Variants in EHMT1 observed in about 807,000 individuals in gnomAD.
EHMT1 encodes euchromatic histone lysine methyltransferase 1, also known as histone-lysine N-methyltransferase EHMT1.
A neutral mutation model predicts 147.2 loss-of-function variants in EHMT1; 15 were observed. The ratio of observed to expected loss-of-function variants is 0.10; its 90% CI spans 0.07 to 0.16. The LOEUF (loss-of-function observed/expected upper bound fraction) is 0.16. Ranked by LOEUF, EHMT1 falls within the 10% of genes least tolerant of loss-of-function variation. EHMT1 has a pLI of 1.00. For missense variants in EHMT1, 1,587 were observed against 1,772.4 expected (o/e 0.90, Z 1.88); for synonymous variants, 795 against 709.6 (o/e 1.12, Z -1.91).
rs1040638481 is a variant in EHMT1, at chr9:137,731,217, AGT to A, written c.823+2693_823+2694del. On this transcript the variant is annotated intron_variant, in intron 4 of 26. Transcript: ENST00000460843. This position sits in a 1 kb window ranked among gnomAD's most constrained non-coding sequence, Gnocchi z 4.3. ...GTCCATCAGCGTGTTAGCCTAGGAC[AGT>A]GTGTAAAATGGCCTTGAGCACTGGA... 6.6e-6 allele frequency among the ~76,000 whole-genome samples: 1 copy of A among 152,214 alleles called. No individual in the cohort carries two copies. Among genetic ancestry groups the A allele is most frequent in the African/African-American group, 2.4e-5 (1 of 41,460 alleles).
chr9:137,695,480 G>GAA (rs1464485057), intron 1 of EHMT1, among the ~76,000 whole-genome samples: 9 of 152,256 alleles, frequency 5.9e-5, no homozygotes, highest in Non-Finnish European at 1.5e-5. Flanking sequence ...CTCGGTGGCT[G>GAA]AAACAACAAT....
rs749284199 is a variant in EHMT1, at chr9:137,717,216, T to C, written c.642+34T>C. 5 of 1,607,286 alleles carry C rather than the reference T, an allele frequency of 3.1e-6. No individual in the cohort carries two copies. In the African/African-American group the frequency reaches 4.0e-5, roughly 13 times the overall value. Reference sequence around the variant, plus strand: ...GTGTCTTCTCTTGCTGTTTCCTTTTTCCCATCTCTTTTGTTTTAATAACGG... The same window carrying C: ...GTGTCTTCTCTTGCTGTTTCCTTTTCCCCATCTCTTTTGTTTTAATAACGG... On this transcript the variant is annotated intron_variant, in intron 3 of 26. Coordinates refer to ENST00000460843, the MANE Select transcript of EHMT1 (RefSeq NM_024757.5).
intron 1 of EHMT1, among the ~76,000 whole-genome samples, chr9:137,690,333 G>A (rs1942827703): frequency 6.6e-6 from 1 of 151,910 alleles, no homozygotes; most frequent in South Asian, 2.1e-4. Flanking sequence ...TCAACTTTAT[G>A]AGCTGTTGCA....
intron 18 of EHMT1, among the ~76,000 whole-genome samples, chr9:137,804,148 A>G (rs879422571): frequency 6.6e-6 from 1 of 152,194 alleles, no homozygotes; most frequent in Non-Finnish European, 1.5e-5. Flanking sequence ...ACAGCATGGG[A>G]GACCCACCCC....
chr9:137,628,108 C>G (rs530432112), intron 1 of EHMT1, among the ~76,000 whole-genome samples: 1 of 152,320 alleles, frequency 6.6e-6, no homozygotes, highest in East Asian at 1.9e-4. Flanking sequence ...GTCAGCTGTT[C>G]TCAGGTGGAG....
At chr9:137,650,666 CT>C (rs75230304) in intron 1 of EHMT1, among the ~76,000 whole-genome samples, 2,846 of 121,548 alleles carry the variant, frequency 0.023, 19 homozygotes, top group African/African-American at 0.044. Context: ...GGACCCCCCG[CT>C]TTTTTTTTTT....
intron 1 of EHMT1, among the ~76,000 whole-genome samples, chr9:137,682,499 G>C (rs1379113383): frequency 6.6e-6 from 1 of 152,112 alleles, no homozygotes; most frequent in East Asian, 1.9e-4. Context: ...CTGCTGTAGC[G>C]AGCGTCTCCC....
At position 137,787,561 on chromosome 9, in the gene EHMT1, GGT is replaced by G; in HGVS notation, c.2383-3284_2383-3283del. The G allele has an allele frequency of 2.2e-6, 1 of 444,744 alleles. No homozygotes were observed. The highest frequency in any genetic ancestry group is 2.4e-5 in the South Asian group (1 of 40,958). The allele number at this position is 444,744 out of a possible 1,614,324, so 27.5% of individuals were successfully genotyped here. A position where few individuals can be genotyped will look rare whatever the true frequency, so the allele number is the denominator to read the frequency against. On this transcript the variant is annotated intron_variant, in intron 15 of 26. Coordinates refer to ENST00000460843, the MANE Select transcript of EHMT1 (RefSeq NM_024757.5). This position sits in a 1 kb window ranked among gnomAD's most constrained non-coding sequence, Gnocchi z 4.2. ...TGGACTCCCAGCAAGGCTGCTGCCTGGTGTTTCGAGGCTGCTGTGGTCGCAGA... is the reference window on the plus strand; with the variant it reads ...TGGACTCCCAGCAAGGCTGCTGCCTGGTTTCGAGGCTGCTGTGGTCGCAGA...
intron 1 of EHMT1, among the ~76,000 whole-genome samples, chr9:137,669,470 G>GC (rs11289789): frequency 0.024 from 616 of 25,388 alleles, 4 homozygotes; most frequent in Admixed American, 0.047. Context: ...CACCCAAGAC[G>GC]CCCCCCACAG....
Position 137,813,633 on chromosome 9 carries a change from C to T in EHMT1, c.3180+103C>T. ...GTTCTCACCACTCAGAGCAGGAGGGCTTATGGGGGGCTTCCCAGGAAGACC... is the reference window on the plus strand; with the variant it reads ...GTTCTCACCACTCAGAGCAGGAGGGTTTATGGGGGGCTTCCCAGGAAGACC... On this transcript the variant is annotated intron_variant, in intron 21 of 26. Coordinates refer to ENST00000460843, the MANE Select transcript of EHMT1 (RefSeq NM_024757.5). This position sits in a 1 kb window ranked among gnomAD's most constrained non-coding sequence, Gnocchi z 4.9. The T allele has an allele frequency of 6.6e-7, 1 of 1,512,712 alleles. No individual in the cohort carries two copies. The highest frequency in any genetic ancestry group is 2.3e-5 in the East Asian group (1 of 42,914). 93.7% of individuals were successfully genotyped at this position (1,512,712 alleles called of 1,614,324 possible). A position where few individuals can be genotyped will look rare whatever the true frequency, so the allele number is the denominator to read the frequency against.
At chr9:137,688,271 G>A (rs933540570) in intron 1 of EHMT1, among the ~76,000 whole-genome samples, 1 of 152,172 alleles carries the variant, frequency 6.6e-6, no homozygotes, top group Non-Finnish European at 1.5e-5. Flanking sequence ...TGATCTGCCT[G>A]CCTCGGCCTT....
At chr9:137,631,563 C>T (rs1843633540) in intron 1 of EHMT1, among the ~76,000 whole-genome samples, 1 of 152,056 alleles carries the variant, frequency 6.6e-6, no homozygotes, top group Non-Finnish European at 1.5e-5. Flanking sequence ...AGACCACATA[C>T]ATGAAGGTGG....
intron 15 of EHMT1, among the ~76,000 whole-genome samples, chr9:137,789,422 A>G (rs1266061392): frequency 6.6e-6 from 1 of 152,246 alleles, no homozygotes; most frequent in Non-Finnish European, 1.5e-5. Context: ...GGGCAGAGCC[A>G]CAGCTCCTCT....
chr9:137,834,799 A>T lies in EHMT1; in HGVS notation c.3743A>T (p.Asp1248Val). The T allele has an allele frequency of 6.2e-7, 1 of 1,613,044 alleles. No individual in the cohort carries two copies. Among genetic ancestry groups the T allele is most frequent in the African/African-American group, 1.3e-5 (1 of 74,994 alleles). The change falls in exon 27 of 27, where the codon GAC (aspartate) becomes GTC (valine). Residue 1248 changes from aspartate (D) to valine (V), a missense_variant. This residue lies in a region of EHMT1 where 141 missense variants were observed against 150.8 expected (regional missense o/e 0.94). Transcript: ENST00000460843. ...LGFDYGERFW[D>V]IKGKLFSCRC... ...TTTGACTATGGAGAGCGCTTCTGGG[A>T]CATCAAAGGCAAGCTCTTCAGCTGC...
intron 1 of EHMT1, among the ~76,000 whole-genome samples, chr9:137,699,666 C>G (rs1340110133): frequency 1.4e-5 from 2 of 137,950 alleles, no homozygotes; most frequent in South Asian, 2.4e-4. Flanking sequence ...CAGAGCAAGA[C>G]TCTGTCTCAA....
chr9:137,779,557 C>T, intron 13 of EHMT1, 78 bp from the exon 14 acceptor site: 3 of 1,501,640 alleles, frequency 2.0e-6, no homozygotes, highest in Non-Finnish European at 2.8e-6. Flanking sequence ...GGGGAGATGT[C>T]CGCCGGGCCT....
Position 137,800,842 on chromosome 9 carries a change from C to T in EHMT1, c.2608-38C>T, listed in dbSNP as rs775155296. ...CCTCATTGCTCTGGTGGTTGCCGGTCTCTGGAGCGATGACAGCTTTGTCCT... is the reference window on the plus strand; with the variant it reads ...CCTCATTGCTCTGGTGGTTGCCGGTTTCTGGAGCGATGACAGCTTTGTCCT... On this transcript the variant is annotated intron_variant, in intron 17 of 26. Coordinates refer to ENST00000460843, the MANE Select transcript of EHMT1 (RefSeq NM_024757.5). 5 of 1,598,180 alleles carry T rather than the reference C, an allele frequency of 3.1e-6. No homozygotes were observed. The East Asian group carries it at 1.1e-4, about 36-fold the overall frequency.
intron 26 of EHMT1, 57 bp from the exon 27 acceptor site, chr9:137,834,716 C>A: frequency 6.2e-7 from 1 of 1,612,058 alleles, no homozygotes; most frequent in Non-Finnish European, 8.5e-7. Context: ...ATTTATCTGG[C>A]TTGTGGGAGG....
chr9:137,723,417 T>C (rs1188162089), intron 3 of EHMT1, among the ~76,000 whole-genome samples: 12 of 130,960 alleles, frequency 9.2e-5, no homozygotes, highest in African/African-American at 2.1e-4. Context: ...GCCCTGTGTC[T>C]GTGGTTCTGG....
Sources: gnomAD v4.1 joint callset for allele counts (sites outside exome capture counted in the v4.1 genomes callset) on GRCh38, gnomAD v4.1.1 for gene constraint, gnomAD v4.1.1 regional missense constraint, Gnocchi (gnomAD v3.1) non-coding constraint, MANE v1.5 for transcripts, NCBI Gene and HGNC (gene_info 2026-07-23, HGNC 2026-07-21) for gene names.